OPCML: variants seen among roughly 807,000 people sequenced by gnomAD.
OPCML encodes the protein opioid binding protein/cell adhesion molecule like, also known as opioid-binding protein/cell adhesion molecule.
A neutral mutation model predicts 37.8 loss-of-function variants in OPCML; 13 were observed. That is an observed-to-expected ratio of 0.34 (90% CI 0.22 to 0.55). OPCML has a LOEUF of 0.55. Among genes scored for constraint, OPCML ranks in the 20% least tolerant of loss-of-function variants. OPCML has a pLI of 0.91. For missense variants in OPCML, 341 were observed against 435.6 expected, an observed-to-expected ratio of 0.78 and a Z score of 1.93; for synonymous variants, 176 against 168.8, an observed-to-expected ratio of 1.04 and a Z score of -0.33.
intron 1 of OPCML, among the ~76,000 whole-genome samples, chr11:133,453,961 A>G (rs554419979): frequency 4.8e-4 from 73 of 152,300 alleles, no homozygotes; most frequent in African/African-American, 1.7e-3. Flanking sequence ...AATCTGGTGG[A>G]AAAAATAGAA....
chr11:132,555,432 C>T (rs1166963465), intron 3 of OPCML, among the ~76,000 whole-genome samples: 3 of 152,044 alleles, frequency 2.0e-5, no homozygotes, highest in Non-Finnish European at 4.4e-5. Context: ...GAGACTTATT[C>T]ACTACCACAA....
At chr11:133,236,931 T>C (rs1197051803) in intron 1 of OPCML, among the ~76,000 whole-genome samples, 1 of 152,196 alleles carries the variant, frequency 6.6e-6, no homozygotes, top group Non-Finnish European at 1.5e-5. Context: ...CTGTCTCCTT[T>C]GTTCAATGTA....
chr11:133,152,161 C>T (rs149272414), intron 1 of OPCML, among the ~76,000 whole-genome samples: 1 of 152,198 alleles, frequency 6.6e-6, no homozygotes, highest in Non-Finnish European at 1.5e-5. Flanking sequence ...ATCCAAACCG[C>T]TGAACAAAAA....
chr11:132,950,917 C>A (rs1160389429), intron 1 of OPCML, among the ~76,000 whole-genome samples: 1 of 152,190 alleles, frequency 6.6e-6, no homozygotes, highest in East Asian at 1.9e-4. Context: ...CAGGAAAACG[C>A]TGCTCACTGA....
At chr11:132,457,595 G>A (rs1479916716) in intron 4 of OPCML, among the ~76,000 whole-genome samples, 1 of 152,218 alleles carries the variant, frequency 6.6e-6, no homozygotes, top group Non-Finnish European at 1.5e-5. Context: ...TAAGGACTGT[G>A]AAGACATGCC....
intron 1 of OPCML, among the ~76,000 whole-genome samples, chr11:133,410,625 G>A (rs1167153201): frequency 2.2e-4 from 6 of 27,052 alleles, no homozygotes; most frequent in Non-Finnish European, 4.1e-4. Flanking sequence ...CACACGTTAA[G>A]AAAAAAAGTA....
At chr11:133,531,696 C>A (rs1316508228) in intron 1 of OPCML, among the ~76,000 whole-genome samples, 1 of 145,074 alleles carries the variant, frequency 6.9e-6, no homozygotes, top group Non-Finnish European at 1.5e-5. Flanking sequence ...TAGGGGAGAG[C>A]AGTTCCGAAG....
chr11:133,308,769 T>C (rs972695078), intron 1 of OPCML, among the ~76,000 whole-genome samples: 4 of 152,146 alleles, frequency 2.6e-5, no homozygotes, highest in African/African-American at 9.7e-5. Flanking sequence ...GGATTAAGAA[T>C]GGAAAAATGT....
chr11:132,914,768 A>T (rs1320649195), intron 2 of OPCML, among the ~76,000 whole-genome samples: 1 of 152,210 alleles, frequency 6.6e-6, no homozygotes, highest in East Asian at 1.9e-4. Context: ...TCCTCCAGGC[A>T]GTGTGAAACC....
intron 1 of OPCML, among the ~76,000 whole-genome samples, chr11:133,345,374 A>T (rs548395943): frequency 6.6e-6 from 1 of 152,350 alleles, no homozygotes; most frequent in South Asian, 2.1e-4. Context: ...ACTGCTTTTA[A>T]TATGAATCAT....
At chr11:132,827,500 C>A (rs969591879) in intron 2 of OPCML, among the ~76,000 whole-genome samples, 3 of 152,208 alleles carry the variant, frequency 2.0e-5, no homozygotes, top group African/African-American at 7.2e-5. Context: ...AACAATTTGA[C>A]AGTCTTTTAC....
intron 2 of OPCML, among the ~76,000 whole-genome samples, chr11:132,898,499 A>T (rs901870742): frequency 5.9e-5 from 9 of 152,214 alleles, no homozygotes; most frequent in Non-Finnish European, 1.2e-4. Context: ...ATTCTGAAGC[A>T]ACAAGCTTGA....
intron 2 of OPCML, among the ~76,000 whole-genome samples, chr11:132,780,843 C>A (rs181673841): frequency 6.6e-6 from 1 of 152,216 alleles, no homozygotes; most frequent in Admixed American, 6.5e-5. Flanking sequence ...TAAACAAATC[C>A]ATATCTAGTC....
At chr11:133,138,617 C>T (rs1442845341) in intron 1 of OPCML, among the ~76,000 whole-genome samples, 1 of 152,178 alleles carries the variant, frequency 6.6e-6, no homozygotes, top group East Asian at 1.9e-4. Context: ...CATAGCCATT[C>T]CCATTATCCT....
At chr11:132,855,165 T>C (rs1291448084) in intron 2 of OPCML, among the ~76,000 whole-genome samples, 3 of 152,188 alleles carry the variant, frequency 2.0e-5, no homozygotes, top group East Asian at 3.9e-4. Context: ...ATCACTATTA[T>C]AGAACCTAAG....
chr11:132,776,990 A>G (rs1946830816), intron 2 of OPCML, among the ~76,000 whole-genome samples: 1 of 152,140 alleles, frequency 6.6e-6, no homozygotes, highest in South Asian at 2.1e-4. Context: ...CAAAGTAACA[A>G]GAGAGAGTAA....
intron 1 of OPCML, among the ~76,000 whole-genome samples, chr11:132,949,372 A>G (rs932623135): frequency 1.3e-5 from 2 of 152,224 alleles, no homozygotes; most frequent in Non-Finnish European, 2.9e-5. Flanking sequence ...CAGCTGAACA[A>G]TGGTGCACAC....
At chr11:133,227,806 T>C (rs1043896514) in intron 1 of OPCML, among the ~76,000 whole-genome samples, 4 of 152,102 alleles carry the variant, frequency 2.6e-5, no homozygotes, top group African/African-American at 7.2e-5. Flanking sequence ...GGAGCTGCAG[T>C]TACAGTCTCC....
At chr11:132,627,096 C>T (rs528323381) in intron 3 of OPCML, among the ~76,000 whole-genome samples, 11 of 151,614 alleles carry the variant, frequency 7.3e-5, no homozygotes, top group South Asian at 4.2e-4. Flanking sequence ...TAGTAGCAAA[C>T]GAGAGGGAAA....
Sources: allele counts gnomAD v4.1 joint callset (sites outside exome capture counted in the v4.1 genomes callset), GRCh38; gene constraint gnomAD v4.1.1; transcripts MANE v1.5; gene names NCBI Gene and HGNC (gene_info 2026-07-23, HGNC 2026-07-21).